The following CLVS1 variants were observed in gnomAD, a reference collection of about 807,000 sequenced individuals.
CLVS1 encodes clavesin 1, also known as clavesin-1.
Under a neutral mutation model 33.1 loss-of-function variants are expected in CLVS1, and 10 were observed. That is an observed-to-expected ratio of 0.30 (90% CI 0.19 to 0.51). The LOEUF (loss-of-function observed/expected upper bound fraction) is 0.51. CLVS1 is among the 20% of genes least tolerant of loss of function. The pLI is 0.97. For synonymous variants in CLVS1, 163 were observed against 166.1 expected (o/e 0.98, Z 0.14); for missense variants, 343 against 433.4 (o/e 0.79, Z 1.85).
At chr8:61,272,796 G>A (rs1285809817) in intron 2 of CLVS1, among the ~76,000 whole-genome samples, 3 of 152,128 alleles carry the variant, frequency 2.0e-5, no homozygotes, top group African/African-American at 7.2e-5. Flanking sequence ...CGGCTCCTGA[G>A]GCTTCTGCAT....
chr8:61,154,017 A>C lies in CLVS1; in HGVS notation c.-152+22157A>C, dbSNP rs576584134. 2.6e-5 allele frequency among the ~76,000 whole-genome samples: 4 copies of C among 152,286 alleles called. No homozygotes were observed. The East Asian group carries it at 5.8e-4, about 22-fold the overall frequency. ...GTGAATATCTGGGAGCTGGACAAAA[A>C]ATCCTATAAATCAGACACCACTTTC... On this transcript the variant is annotated intron_variant, in intron 2 of 2. Coordinates refer to the CLVS1 transcript ENST00000522621.
At chr8:61,498,735 GTCTT>G (rs1804372287) in intron 5 of CLVS1, among the ~76,000 whole-genome samples, 1 of 152,054 alleles carries the variant, frequency 6.6e-6, no homozygotes, top group Non-Finnish European at 1.5e-5. Context: ...AGTTGTAGTC[GTCTT>G]TATCAACAAC....
chr8:61,401,728 C>T (rs1814770002), intron 3 of CLVS1, among the ~76,000 whole-genome samples: 1 of 151,956 alleles, frequency 6.6e-6, no homozygotes, highest in Non-Finnish European at 1.5e-5. Flanking sequence ...CATATGGAAC[C>T]AAAAAAGAAC....
chr8:61,486,946 T>C (rs1468634379), intron 5 of CLVS1, among the ~76,000 whole-genome samples: 1 of 152,212 alleles, frequency 6.6e-6, no homozygotes, highest in East Asian at 1.9e-4. Context: ...GAGAAATATT[T>C]GTTGATTTGA....
upstream of CLVS1, among the ~76,000 whole-genome samples, chr8:61,283,038 C>T (rs2129593291): frequency 1.3e-5 from 2 of 152,306 alleles, no homozygotes. Flanking sequence ...AGGAGAGTTC[C>T]TCCAGAGGAG....
In CLVS1 at chr8:61,332,017, T is replaced by C. The variant is rs1489590803; in HGVS notation, c.455+31735T>C. ...TGAGGGTTCTGCCAACTCTTGAGGT[T>C]CATGGTGGCATGGCAGGGCAGCACG... is the stretch of plus-strand genomic sequence containing the variant. On this transcript the variant is annotated intron_variant, in intron 2 of 5. Transcript: ENST00000325897. Among the ~76,000 whole-genome samples the C allele has an allele frequency of 8.5e-5, 13 of 152,322 alleles. No individual in the cohort carries two copies. In the East Asian group the frequency reaches 2.3e-3, roughly 27 times the overall value.
intron 2 of CLVS1, among the ~76,000 whole-genome samples, chr8:61,335,428 A>T (rs1041410873): frequency 6.6e-5 from 10 of 152,212 alleles, no homozygotes; most frequent in Admixed American, 2.0e-4. Flanking sequence ...GTTAAGTTAG[A>T]TCTCTTTCAC....
chr8:61,357,389 T>C (rs1301161254), intron 2 of CLVS1, among the ~76,000 whole-genome samples: 1 of 151,850 alleles, frequency 6.6e-6, no homozygotes, highest in African/African-American at 2.4e-5. Flanking sequence ...TGCAAAATGA[T>C]GACAATTGTT....
chr8:61,356,159 G>A (rs1812695471), intron 2 of CLVS1, among the ~76,000 whole-genome samples: 1 of 151,824 alleles, frequency 6.6e-6, no homozygotes, highest in Non-Finnish European at 1.5e-5. Flanking sequence ...TTTCTCTGAT[G>A]GCCAGTGATG....
In CLVS1 at chr8:61,335,240, T is replaced by G. The variant is rs547115527; in HGVS notation, c.455+34958T>G. On this transcript the variant is annotated intron_variant, in intron 2 of 5. Coordinates refer to ENST00000325897, the MANE Select transcript of CLVS1 (RefSeq NM_173519.3). ...ACTCCCAAACCATAATTTCTAATCT[T>G]GTGGTGAATGTTAGTTCTACAAAGG... Among the ~76,000 whole-genome samples the G allele has an allele frequency of 1.3e-4, 20 of 152,336 alleles. 1 individual carries two copies. In the South Asian group the frequency reaches 1.5e-3, roughly 11 times the overall value.
chr8:61,382,366 CAGG>C (rs1159673341), intron 3 of CLVS1, among the ~76,000 whole-genome samples: 1 of 152,150 alleles, frequency 6.6e-6, no homozygotes, highest in Non-Finnish European at 1.5e-5. Context: ...GTCTTCTAAA[CAGG>C]AGTACAGCAG....
the CLVS1 span, among the ~76,000 whole-genome samples, chr8:60,977,234 A>G: frequency 1.4e-4 from 21 of 152,254 alleles, no homozygotes; most frequent in African/African-American, 2.4e-5. Flanking sequence ...TGGAGTTACC[A>G]TAACATAACA....
At chr8:61,465,084 C>G (rs1385501459) in intron 5 of CLVS1, 3 of 152,386 alleles carry the variant, frequency 2.0e-5, no homozygotes, top group Non-Finnish European at 4.4e-5. Flanking sequence ...AGGCAGGCAC[C>G]TTTCTGGGCA....
intron 2 of CLVS1, among the ~76,000 whole-genome samples, chr8:61,189,306 T>C (rs1807410869): frequency 6.6e-6 from 1 of 152,102 alleles, no homozygotes; most frequent in Non-Finnish European, 1.5e-5. Flanking sequence ...TAAAATCCTT[T>C]ACAGACAAGC....
At chr8:61,368,761 TA>T (rs1813314032) in intron 2 of CLVS1, among the ~76,000 whole-genome samples, 1 of 152,246 alleles carries the variant, frequency 6.6e-6, no homozygotes, top group Admixed American at 6.5e-5. Flanking sequence ...AATATAATAG[TA>T]TTCAATACAT....
chr8:61,165,948 G>A (rs1806853710), intron 2 of CLVS1, among the ~76,000 whole-genome samples: 1 of 151,330 alleles, frequency 6.6e-6, no homozygotes, highest in African/African-American at 2.4e-5. Context: ...TTGTGTGCAT[G>A]TGGCCAACCA....
At chr8:61,136,056 A>T (rs1019434830) in intron 2 of CLVS1, among the ~76,000 whole-genome samples, 1 of 152,212 alleles carries the variant, frequency 6.6e-6, no homozygotes, top group Non-Finnish European at 1.5e-5. Context: ...ATTTCTCCAG[A>T]CTTCCTGGAT....
At chr8:61,290,566 T>C (rs1325824189) in intron 1 of CLVS1, among the ~76,000 whole-genome samples, 1 of 152,192 alleles carries the variant, frequency 6.6e-6, no homozygotes, top group Non-Finnish European at 1.5e-5. Context: ...TTTTCAGAAT[T>C]GGTAGTGTCT....
intron 2 of CLVS1, among the ~76,000 whole-genome samples, chr8:61,375,055 T>C (rs1428488776): frequency 6.6e-6 from 1 of 152,118 alleles, no homozygotes; most frequent in Non-Finnish European, 1.5e-5. Context: ...ATCCCGAGCC[T>C]TCATCCCTCC....
Sources: allele counts gnomAD v4.1 joint callset (sites outside exome capture counted in the v4.1 genomes callset), GRCh38; gene constraint gnomAD v4.1.1; transcripts MANE v1.5; gene names NCBI Gene and HGNC (gene_info 2026-07-23, HGNC 2026-07-21).